Variants in SLC5A7 observed in about 807,000 individuals in gnomAD.
The protein encoded by SLC5A7 is solute carrier family 5 member 7.
In SLC5A7, 19 loss-of-function variants were observed where a neutral mutation model predicts 55.4. That is an observed-to-expected ratio of 0.34 (90% CI 0.24 to 0.50). The LOEUF is 0.50. Among genes scored for constraint, SLC5A7 ranks in the 20% least tolerant of loss-of-function variants. The probability of loss-of-function intolerance (pLI) is 0.98; values close to 1 mark genes in which losing one functional copy is unlikely to be tolerated. For missense variants in SLC5A7, 506 were observed against 705.3 expected, an observed-to-expected ratio of 0.72 and a Z score of 3.20; for synonymous variants, 265 against 263.7, an observed-to-expected ratio of 1.00 and a Z score of -0.05.
At chr2:107,986,855 C>G (rs774787099) in intron 1 of SLC5A7, 92 bp downstream of exon 1, 3 of 152,038 alleles carry the variant, frequency 2.0e-5, no homozygotes, top group Non-Finnish European at 2.9e-5. Flanking sequence ...AGGGGAGGGA[C>G]GCGGCGTTTT....
chr2:107,992,336 C>T, intron 3 of SLC5A7, 117 bp downstream of exon 3: 1 of 550,440 alleles, frequency 1.8e-6, no homozygotes, highest in Non-Finnish European at 3.1e-6. Context: ...AAAAATGTCC[C>T]CAGAGATCTT....
rs1229789132 is a variant in SLC5A7 at position 108,013,680 on chromosome 2, C to T, written c.*2819C>T. 4 of 152,136 alleles carry T rather than the reference C, an allele frequency of 2.6e-5. No individual in the cohort carries two copies. In the East Asian group the frequency reaches 5.8e-4, roughly 22 times the overall value. 9.4% of individuals were successfully genotyped at this position (152,136 alleles called of 1,614,324 possible). A position where few individuals can be genotyped will look rare whatever the true frequency, so the allele number is the denominator to read the frequency against. Reference sequence around the variant, plus strand: ...GCTATATTAATCTGGGAAGGCAACACCTGTGGATAAAACATTAGAAGAAAA... The same window carrying T: ...GCTATATTAATCTGGGAAGGCAACATCTGTGGATAAAACATTAGAAGAAAA... On this transcript the variant is annotated 3_prime_UTR_variant, in exon 9 of 9. Coordinates refer to ENST00000264047, the MANE Select transcript of SLC5A7 (RefSeq NM_021815.5).
At chr2:107,995,033 A>G (rs1408166832) in intron 4 of SLC5A7, among the ~76,000 whole-genome samples, 1 of 152,236 alleles carries the variant, frequency 6.6e-6, no homozygotes, top group East Asian at 1.9e-4. Context: ...TACAATATAC[A>G]GTCAGCTTAA....
At position 108,002,821 on chromosome 2, in the gene SLC5A7, C is replaced by T. The variant is rs1677967050; in HGVS notation, c.741+781C>T. Among the ~76,000 whole-genome samples the T allele has an allele frequency of 2.0e-5, 3 of 152,026 alleles. No individual in the cohort carries two copies. In the East Asian group the frequency reaches 5.8e-4, roughly 29 times the overall value. On this transcript the variant is annotated intron_variant, in intron 6 of 8. Coordinates refer to ENST00000264047, the MANE Select transcript of SLC5A7 (RefSeq NM_021815.5). ...CACTTTGAGGCCAGGAGTTTGAGAA[C>T]AGCCTGGACAACATAGCAGGACCCC...
At chr2:108,008,312 A>C (rs1678195659) in intron 7 of SLC5A7, among the ~76,000 whole-genome samples, 153 bp from the exon 8 acceptor site, 1 of 152,216 alleles carries the variant, frequency 6.6e-6, no homozygotes, top group South Asian at 2.1e-4. Flanking sequence ...GATATAAGAC[A>C]TTTCCACTTG....
chr2:107,991,579 A>G (rs1677454426), intron 2 of SLC5A7, among the ~76,000 whole-genome samples: 1 of 152,196 alleles, frequency 6.6e-6, no homozygotes, highest in South Asian at 2.1e-4. Flanking sequence ...CTACAAACAT[A>G]CACTCACCTA....
At chr2:107,995,470 A>AGAGT (rs1405177003) in intron 4 of SLC5A7, among the ~76,000 whole-genome samples, 97 of 137,252 alleles carry the variant, frequency 7.1e-4, no homozygotes, top group African/African-American at 2.4e-3. Flanking sequence ...AGAGAGAGAG[A>AGAGT]GTGTGTGTGT....
At chr2:108,004,431 A>G (rs1453667497) in intron 6 of SLC5A7, among the ~76,000 whole-genome samples, 2 of 152,132 alleles carry the variant, frequency 1.3e-5, no homozygotes, top group African/African-American at 4.8e-5. Flanking sequence ...TATGGTATCT[A>G]TGTTACAGAC....
chr2:108,005,522 G>A (rs903536906), intron 6 of SLC5A7, among the ~76,000 whole-genome samples: 8 of 152,196 alleles, frequency 5.3e-5, no homozygotes, highest in Non-Finnish European at 1.2e-4. Flanking sequence ...GAAAACTTCA[G>A]GAAATTCTGC....
At chr2:107,995,533 T>G (rs1677640100) in intron 4 of SLC5A7, among the ~76,000 whole-genome samples, 1 of 151,564 alleles carries the variant, frequency 6.6e-6, no homozygotes, top group South Asian at 2.1e-4. Context: ...GTACATTATT[T>G]GGGTAATGAA....
In SLC5A7 at chr2:108,008,663, A is replaced by G; in HGVS notation, c.1094A>G (p.Gln365Arg). Residue 365 changes from glutamine to arginine, a missense_variant, in exon 8 of 9, where the codon CAG becomes CGG. Physicochemically the swap from Gln to Arg is conservative, Grantham distance 43. This residue lies in a region of SLC5A7 where 309 missense variants were observed against 478.6 expected (regional missense o/e 0.65). Coordinates refer to ENST00000264047, the MANE Select transcript of SLC5A7 (RefSeq NM_021815.5). ...ASSMFARNIY[Q>R]LSFRQNASDK... ...TCCATGTTTGCACGGAACATCTACC[A>G]GCTTTCCTTCAGACAAAATGTAAGA... 6.2e-7 allele frequency: 1 copy of G among 1,613,062 alleles called. No individual in the cohort carries two copies. Among genetic ancestry groups the G allele is most frequent in the Non-Finnish European group, 8.5e-7 (1 of 1,179,592 alleles).
intron 4 of SLC5A7, among the ~76,000 whole-genome samples, chr2:107,994,614 G>A (rs1047559133): frequency 1.3e-5 from 2 of 151,930 alleles, no homozygotes; most frequent in South Asian, 2.1e-4. Context: ...ACAACTAGGT[G>A]GAAAATGCTG....
rs1558872822 is a variant in SLC5A7, at chr2:108,010,598, A to C, written c.1480A>C (p.Ile494Leu). Reference protein sequence around the residue: ...MVTSFLTNICISYLAKYLFES... With the variant: ...MVTSFLTNICLSYLAKYLFES... ...TACATCATTCTTAACCAACATTTGC[A>C]TCTCCTATCTAGCCAAGTATCTATT... The change falls in exon 9 of 9, where the codon ATC becomes CTC. Residue 494 changes from isoleucine to leucine, a missense_variant. By Grantham distance (5) the Ile-to-Leu change is conservative. Transcript: ENST00000264047. 1 of 1,613,866 alleles carries C rather than the reference A, an allele frequency of 6.2e-7. No individual in the cohort carries two copies. Among genetic ancestry groups the C allele is most frequent in the Non-Finnish European group, 8.5e-7 (1 of 1,179,948 alleles).
intron 1 of SLC5A7, among the ~76,000 whole-genome samples, chr2:107,987,095 G>C (rs1677274477): frequency 6.6e-6 from 1 of 152,126 alleles, no homozygotes; most frequent in South Asian, 2.1e-4. Flanking sequence ...TTAAATTCCA[G>C]AGAGGCTGAT....
chr2:107,998,036 T>C (rs1016875174), intron 5 of SLC5A7, 50 bp downstream of exon 5: 19 of 1,557,828 alleles, frequency 1.2e-5, no homozygotes, highest in Non-Finnish European at 1.6e-5. Flanking sequence ...TAAAAGGTAA[T>C]GTATTTTATA....
At position 108,010,692 on chromosome 2, in the gene SLC5A7, A is replaced by G; in HGVS notation, c.1574A>G (p.Asn525Ser). The change falls in exon 9 of 9, where the codon AAC becomes AGC. Residue 525 changes from asparagine to serine, a missense_variant. Transcript: ENST00000264047. ...GTTGTTGCAAGACACAGTGAAGAAA[A>G]CATGGATAAGACAATTCTTGTCAAA... ...DAVVARHSEE[N>S]MDKTILVKNE... The G allele has an allele frequency of 6.2e-7, 1 of 1,613,872 alleles. No homozygotes were observed. The highest frequency in any genetic ancestry group is 8.5e-7 in the Non-Finnish European group (1 of 1,179,912).
At chr2:107,987,367 A>G (rs1677288572) in intron 1 of SLC5A7, among the ~76,000 whole-genome samples, 1 of 152,190 alleles carries the variant, frequency 6.6e-6, no homozygotes, top group East Asian at 1.9e-4. Context: ...AACAGCAACA[A>G]CAACAACAAA....
intron 4 of SLC5A7, among the ~76,000 whole-genome samples, chr2:107,993,334 T>C (rs1183725532): frequency 6.6e-6 from 1 of 152,220 alleles, no homozygotes; most frequent in Non-Finnish European, 1.5e-5. Context: ...AGCTACACTT[T>C]CCATACTTGA....
At chr2:107,990,186 C>T (rs1677399295) in intron 2 of SLC5A7, among the ~76,000 whole-genome samples, 1 of 152,032 alleles carries the variant, frequency 6.6e-6, no homozygotes, top group Non-Finnish European at 1.5e-5. Context: ...AATATACAAA[C>T]AAGGAGAGCA....
Sources: allele counts gnomAD v4.1 joint callset (sites outside exome capture counted in the v4.1 genomes callset), GRCh38; gene constraint gnomAD v4.1.1; regional missense constraint gnomAD v4.1.1; transcripts MANE v1.5; gene names NCBI Gene and HGNC (gene_info 2026-07-23, HGNC 2026-07-21).